Variants in GRM8 observed in about 807,000 individuals in gnomAD.
GRM8 encodes the protein metabotropic glutamate receptor 8.
In GRM8, 47 loss-of-function variants were observed where a neutral mutation model predicts 87.2. That is an observed-to-expected ratio of 0.54 (90% CI 0.43 to 0.69). The LOEUF (loss-of-function observed/expected upper bound fraction) is 0.69, where lower values mean the gene tolerates loss of function less well. GRM8 is among the 30% of genes least tolerant of loss of function. GRM8 has a pLI of 0.00. For synonymous variants in GRM8, 396 were observed against 404.5 expected (o/e 0.98, Z 0.25); for missense variants, 1,019 against 1,139.2 (o/e 0.89, Z 1.52).
intron 6 of GRM8, among the ~76,000 whole-genome samples, chr7:126,902,142 C>A (rs991309217): frequency 1.3e-5 from 2 of 152,150 alleles, no homozygotes; most frequent in African/African-American, 4.8e-5. Flanking sequence ...TAGAGGACAG[C>A]GATTAAAATA....
At chr7:127,067,268 C>T (rs1329384913) in intron 3 of GRM8, among the ~76,000 whole-genome samples, 1 of 152,162 alleles carries the variant, frequency 6.6e-6, no homozygotes, top group Non-Finnish European at 1.5e-5. Flanking sequence ...GCTTGTTTCT[C>T]AGGAACCAAA....
intron 7 of GRM8, among the ~76,000 whole-genome samples, chr7:126,765,121 TA>T (rs143679978): frequency 1.7e-3 from 262 of 150,140 alleles, no homozygotes; most frequent in Non-Finnish European, 3.4e-3. Flanking sequence ...CATTGAGACT[TA>T]AAAAAAAAAG....
intron 2 of GRM8, among the ~76,000 whole-genome samples, chr7:127,187,388 CTCA>C (rs1794797368): frequency 6.6e-6 from 1 of 151,304 alleles, no homozygotes; most frequent in Non-Finnish European, 1.5e-5. Context: ...TTAAAGAATT[CTCA>C]TGTCAAAGCA....
At chr7:127,015,284 GAAT>G in intron 3 of GRM8, among the ~76,000 whole-genome samples, 1 of 151,096 alleles carries the variant, frequency 6.6e-6, no homozygotes, top group African/African-American at 2.4e-5. Context: ...GAGAGAGAGA[GAAT>G]GAACATGAAC....
intron 3 of GRM8, among the ~76,000 whole-genome samples, chr7:127,086,542 C>T (rs1586958839): frequency 1.3e-5 from 2 of 152,208 alleles, no homozygotes; most frequent in Admixed American, 6.5e-5. Context: ...TGTCTACATG[C>T]ACCTCCCCTT....
intron 6 of GRM8, among the ~76,000 whole-genome samples, chr7:126,824,206 T>A (rs1794552069): frequency 6.6e-6 from 1 of 152,190 alleles, no homozygotes; most frequent in African/African-American, 2.4e-5. Flanking sequence ...CTTCAATTAG[T>A]CATTTCATGT....
intron 2 of GRM8, among the ~76,000 whole-genome samples, chr7:127,165,143 TA>T (rs1434460887): frequency 3.0e-4 from 2 of 6,704 alleles, no homozygotes; most frequent in Non-Finnish European, 6.1e-4. Context: ...TGTAAACAGA[TA>T]TATATATATA....
chr7:126,586,097 T>C (rs991908119), intron 8 of GRM8, among the ~76,000 whole-genome samples: 1 of 151,870 alleles, frequency 6.6e-6, no homozygotes, highest in Non-Finnish European at 1.5e-5. Context: ...TCAAAGAGAA[T>C]AAAATACCTA....
chr7:127,224,423 A>T (rs1229265252), intron 2 of GRM8, among the ~76,000 whole-genome samples: 1 of 152,224 alleles, frequency 6.6e-6, no homozygotes, highest in Non-Finnish European at 1.5e-5. Flanking sequence ...GAAAGAAAGA[A>T]CTATCAATCC....
intron 3 of GRM8, among the ~76,000 whole-genome samples, chr7:127,099,273 C>T (rs1269987281): frequency 3.9e-5 from 6 of 152,066 alleles, no homozygotes; most frequent in South Asian, 2.1e-4. Flanking sequence ...TTGTGTAACA[C>T]GTAGGTCTTA....
At chr7:126,446,028 T>C (rs773056535) in intron 10 of GRM8, 98 bp downstream of exon 10, 2 of 1,411,252 alleles carry the variant, frequency 1.4e-6, no homozygotes, top group Non-Finnish European at 2.0e-6. Flanking sequence ...CCTGGAAACA[T>C]GTAGCACAAT....
At chr7:127,083,113 A>G (rs1823044962) in intron 3 of GRM8, among the ~76,000 whole-genome samples, 1 of 152,226 alleles carries the variant, frequency 6.6e-6, no homozygotes, top group African/African-American at 2.4e-5. Context: ...AGATAAGTTG[A>G]CACATAAAAT....
chr7:126,586,981 C>CA (rs1324499039), intron 8 of GRM8, among the ~76,000 whole-genome samples: 18 of 150,162 alleles, frequency 1.2e-4, no homozygotes, highest in South Asian at 8.4e-4. Context: ...AACAAATTTA[C>CA]AAAAAAAAAC....
chr7:126,601,736 A>C (rs1656768366), intron 8 of GRM8, among the ~76,000 whole-genome samples: 2 of 148,372 alleles, frequency 1.3e-5, no homozygotes, highest in Admixed American at 6.8e-5. Context: ...TCTTCTTTTG[A>C]GAAGTGTCTG....
At chr7:126,950,027 C>A (rs1807963848) in intron 3 of GRM8, among the ~76,000 whole-genome samples, 1 of 152,176 alleles carries the variant, frequency 6.6e-6, no homozygotes, top group Admixed American at 6.5e-5. Context: ...AAATGAACAT[C>A]ACAAATAAGG....
chr7:126,450,898 A>C (rs1475360351), intron 9 of GRM8, among the ~76,000 whole-genome samples: 1 of 151,690 alleles, frequency 6.6e-6, no homozygotes, highest in East Asian at 2.0e-4. Context: ...TCTGTCTCTT[A>C]CTCGCTTGCT....
chr7:126,510,503 G>GA (rs774006906), intron 9 of GRM8, among the ~76,000 whole-genome samples: 6 of 151,744 alleles, frequency 4.0e-5, no homozygotes, highest in Admixed American at 6.6e-5. Flanking sequence ...CATTTAAAAT[G>GA]GAAAAAACCA....
intron 7 of GRM8, among the ~76,000 whole-genome samples, chr7:126,623,740 T>C (rs1657400394): frequency 6.6e-6 from 1 of 152,012 alleles, no homozygotes; most frequent in Non-Finnish European, 1.5e-5. Flanking sequence ...GGAGACCAGA[T>C]CCTAAAATAA....
At chr7:126,974,681 T>A (rs1175888687) in intron 3 of GRM8, among the ~76,000 whole-genome samples, 1 of 152,026 alleles carries the variant, frequency 6.6e-6, no homozygotes, top group Admixed American at 6.6e-5. Flanking sequence ...CTATAATTAA[T>A]CCCAGCACTT....
Sources: gnomAD v4.1 joint callset for allele counts (sites outside exome capture counted in the v4.1 genomes callset) on GRCh38, gnomAD v4.1.1 for gene constraint, MANE v1.5 for transcripts, NCBI Gene and HGNC (gene_info 2026-07-23, HGNC 2026-07-21) for gene names.